The following GLIS3 variants were observed in gnomAD, a reference collection of about 807,000 sequenced individuals.
GLIS3 encodes GLIS family zinc finger 3, also known as zinc finger protein GLIS3.
GLIS3 carries 53 observed loss-of-function variants against 78.6 expected under a neutral mutation model. The observed-to-expected ratio is 0.67, with a 90% CI of 0.54 to 0.85. The LOEUF (loss-of-function observed/expected upper bound fraction) is 0.85, where lower values mean the gene tolerates loss of function less well. Ranked by LOEUF, GLIS3 falls within the 40% of genes least tolerant of loss-of-function variation. The probability of loss-of-function intolerance (pLI) is 0.00; values close to 1 mark genes in which losing one functional copy is unlikely to be tolerated. For missense variants in GLIS3, 1,703 were observed against 1,231.1 expected (o/e 1.38, Z -5.74); for synonymous variants, 684 against 509.9 (o/e 1.34, Z -4.60).
chr9:4,296,864 G>A (rs1022475196), intron 1 of GLIS3, among the ~76,000 whole-genome samples: 7 of 141,658 alleles, frequency 4.9e-5, no homozygotes, highest in African/African-American at 7.9e-5. Context: ...CTGCAGTACG[G>A]TTATAGATGA....
the GLIS3 span, among the ~76,000 whole-genome samples, chr9:4,458,723 G>A: frequency 0.12 from 18,970 of 152,172 alleles, 1,516 homozygotes; most frequent in Admixed American, 0.17. Context: ...GCTTGAACCC[G>A]GGAGGCAGAG....
At chr9:4,100,712 A>C (rs892655782) in intron 4 of GLIS3, among the ~76,000 whole-genome samples, 18 of 152,132 alleles carry the variant, frequency 1.2e-4, no homozygotes, top group African/African-American at 4.3e-4. Flanking sequence ...TAGTGTTCTA[A>C]GTGGTATAAT....
chr9:4,009,129 A>C (rs1458625425), intron 4 of GLIS3, among the ~76,000 whole-genome samples: 3 of 152,184 alleles, frequency 2.0e-5, no homozygotes, highest in African/African-American at 7.2e-5. Context: ...TCAAACACTG[A>C]GTCAGTCTTG....
At chr9:4,065,177 C>T (rs1370869918) in intron 4 of GLIS3, among the ~76,000 whole-genome samples, 3 of 152,138 alleles carry the variant, frequency 2.0e-5, no homozygotes, top group Admixed American at 2.0e-4. Flanking sequence ...TACAAACCAG[C>T]CCTTCCTAGG....
At chr9:4,353,993 A>ATTTTTTTTTTTTTT in the GLIS3 span, among the ~76,000 whole-genome samples, 7 of 135,752 alleles carry the variant, frequency 5.2e-5, no homozygotes, top group Non-Finnish European at 6.3e-5. Context: ...ACACCCGGCT[A>ATTTTTTTTTTTTTT]TTTTTTTTTT....
chr9:4,136,618 G>C (rs61712002), intron 2 of GLIS3, among the ~76,000 whole-genome samples: 1 of 152,112 alleles, frequency 6.6e-6, no homozygotes, highest in Non-Finnish European at 1.5e-5. Context: ...ATACCCTTTA[G>C]AAAAGAATAA....
intron 2 of GLIS3, among the ~76,000 whole-genome samples, chr9:4,284,319 A>C (rs991796322): frequency 6.6e-6 from 1 of 152,214 alleles, no homozygotes; most frequent in Non-Finnish European, 1.5e-5. Context: ...TATCACCATT[A>C]TTAGTGTCAG....
rs114650420 is a variant in GLIS3 at position 4,066,388 on chromosome 9, C to T, written c.1710+51380G>A. ...GTCTTATCTTTGATGCTGATAGGTA[C>T]GCCTTCTGCAGAACACATGCATTTT... is the stretch of plus-strand genomic sequence containing the variant. On this transcript the variant is annotated intron_variant, in intron 4 of 10. Coordinates refer to ENST00000381971, the MANE Select transcript of GLIS3 (RefSeq NM_001042413.2). 6.7e-3 allele frequency among the ~76,000 whole-genome samples: 1,015 copies of T among 152,206 alleles called. 9 individuals are homozygous for T. The highest frequency in any genetic ancestry group is 0.021 in the Middle Eastern group (6 of 292).
rs1311648861 is a variant in GLIS3 at position 4,286,390 on chromosome 9, C to G, written c.36G>C (p.Arg12=). Residue 12 remains arginine (R), a synonymous_variant, in exon 2 of 11, where the codon CGG becomes CGC. Coordinates refer to ENST00000381971, the MANE Select transcript of GLIS3 (RefSeq NM_001042413.2). ...NGRSCSMSLH[R]TSGTPQGPRM... The stretch of plus-strand genomic sequence containing the variant: ...TAGGCCCCTGTGGGGTTCCCGATGT[C>G]CGGTGGAGACTCATGCTGCATGATC... The G allele has an allele frequency of 1.9e-6, 3 of 1,614,160 alleles. No homozygotes were observed. The highest frequency in any genetic ancestry group is 4.5e-5 in the East Asian group (2 of 44,872).
intron 9 of GLIS3, among the ~76,000 whole-genome samples, chr9:3,845,789 G>A (rs1270926290): frequency 2.6e-5 from 4 of 152,096 alleles, no homozygotes; most frequent in Admixed American, 6.5e-5. Flanking sequence ...ATTGGGAGCC[G>A]TTAGATAGAG....
intron 2 of GLIS3, among the ~76,000 whole-genome samples, chr9:4,157,156 T>C (rs1226037477): frequency 6.6e-6 from 1 of 152,216 alleles, no homozygotes; most frequent in African/African-American, 2.4e-5. Flanking sequence ...ATAAGCTATT[T>C]GTTATGAGCT....
chr9:4,292,799 G>A (rs1307078432), intron 1 of GLIS3, among the ~76,000 whole-genome samples: 4 of 152,104 alleles, frequency 2.6e-5, no homozygotes, highest in African/African-American at 9.7e-5. Context: ...TGCTAAAGTG[G>A]GTAAAGTTTA....
intron 2 of GLIS3, among the ~76,000 whole-genome samples, chr9:4,239,261 T>A (rs1253523838): frequency 6.6e-6 from 1 of 151,230 alleles, no homozygotes; most frequent in Non-Finnish European, 1.5e-5. Flanking sequence ...GGCACATGTA[T>A]ACATATGTAA....
At chr9:4,293,409 A>G (rs1816198525) in intron 1 of GLIS3, among the ~76,000 whole-genome samples, 1 of 152,226 alleles carries the variant, frequency 6.6e-6, no homozygotes, top group Non-Finnish European at 1.5e-5. Context: ...GTTTTACAGA[A>G]GTTAAATTAT....
chr9:4,248,057 T>C (rs1026293434), intron 2 of GLIS3, among the ~76,000 whole-genome samples: 6 of 152,174 alleles, frequency 3.9e-5, no homozygotes, highest in African/African-American at 1.4e-4. Context: ...TCCTACCCAC[T>C]GTCTCTGAGA....
intron 3 of GLIS3, among the ~76,000 whole-genome samples, chr9:4,119,986 G>C (rs1448289133): frequency 6.6e-6 from 1 of 152,242 alleles, no homozygotes; most frequent in African/African-American, 2.4e-5. Context: ...TCTTGACTCA[G>C]ACATGGTGTG....
rs938845496 is a variant in GLIS3 at position 3,826,679 on chromosome 9, G to C, written c.*1593C>G. 3.9e-5 allele frequency: 6 copies of C among 152,160 alleles called. No homozygotes were observed. The highest frequency in any genetic ancestry group is 8.8e-5 in the Non-Finnish European group (6 of 68,038). The allele number at this position is 152,160 out of a possible 1,614,324, so 9.4% of individuals were successfully genotyped here. A position where few individuals can be genotyped will look rare whatever the true frequency, so the allele number is the denominator to read the frequency against. ...TACTTCCGCTTGTGGGACTGTGGAG[G>C]GAGACTGGAAGGACCTGTCAGTATA... On this transcript the variant is annotated 3_prime_UTR_variant, in exon 11 of 11. Coordinates refer to ENST00000381971, the MANE Select transcript of GLIS3 (RefSeq NM_001042413.2).
chr9:4,240,099 T>C (rs1011172712), intron 2 of GLIS3, among the ~76,000 whole-genome samples: 2 of 151,342 alleles, frequency 1.3e-5, no homozygotes, highest in Non-Finnish European at 2.9e-5. Context: ...TTATCCTTCT[T>C]ACAATTAATT....
chr9:4,420,882 C>T, the GLIS3 span, among the ~76,000 whole-genome samples: 1 of 152,090 alleles, frequency 6.6e-6, no homozygotes, highest in African/African-American at 2.4e-5. Context: ...ATATTTTCCC[C>T]AAGCTATTTA....
Sources: gnomAD v4.1 joint callset for allele counts (sites outside exome capture counted in the v4.1 genomes callset) on GRCh38, gnomAD v4.1.1 for gene constraint, MANE v1.5 for transcripts, NCBI Gene and HGNC (gene_info 2026-07-23, HGNC 2026-07-21) for gene names.